Variants in LTBP1 observed in about 807,000 individuals in gnomAD.
The protein encoded by LTBP1 is latent-transforming growth factor beta-binding protein 1.
Under a neutral mutation model 207.6 loss-of-function variants are expected in LTBP1, and 129 were observed. The observed-to-expected ratio is 0.62, with a 90% CI of 0.54 to 0.72. LTBP1 has a LOEUF of 0.72. Ranked by LOEUF, LTBP1 falls within the 30% of genes least tolerant of loss-of-function variation. The pLI is 0.00. For missense variants in LTBP1, 2,281 were observed against 2,217.2 expected (o/e 1.03, Z -0.58); for synonymous variants, 963 against 833.7 (o/e 1.16, Z -2.67).
At chr2:33,079,672 G>A (rs1038386903) in intron 3 of LTBP1, among the ~76,000 whole-genome samples, 1 of 152,098 alleles carries the variant, frequency 6.6e-6, no homozygotes, top group Non-Finnish European at 1.5e-5. Context: ...TGGCACTGCA[G>A]ACTTCTCCCA....
intron 22 of LTBP1, among the ~76,000 whole-genome samples, chr2:33,303,381 C>T (rs184306093): frequency 1.6e-4 from 23 of 146,376 alleles, no homozygotes; most frequent in African/African-American, 5.0e-4. Context: ...GACGGAATCT[C>T]GCTCTGTCAC....
At chr2:32,997,126 C>G (rs12712334) in intron 2 of LTBP1, among the ~76,000 whole-genome samples, 4,640 of 152,192 alleles carry the variant, frequency 0.03, 95 homozygotes, top group South Asian at 0.055. Flanking sequence ...CTCAAGCGAT[C>G]CGCCCACCTC....
At chr2:33,054,931 C>T (rs896487148) in intron 3 of LTBP1, among the ~76,000 whole-genome samples, 35 of 152,250 alleles carry the variant, frequency 2.3e-4, no homozygotes, top group African/African-American at 6.5e-4. Flanking sequence ...TGGACATGGA[C>T]GAGGGGGCAG....
At chr2:33,382,194 A>G (rs539730458) in intron 31 of LTBP1, among the ~76,000 whole-genome samples, 10 of 142,926 alleles carry the variant, frequency 7.0e-5, no homozygotes, top group African/African-American at 2.6e-4. Context: ...TCCCGAGTTC[A>G]AGCAATTCTC....
chr2:33,170,321 G>A (rs958066908), intron 5 of LTBP1, among the ~76,000 whole-genome samples: 10 of 152,096 alleles, frequency 6.6e-5, no homozygotes, highest in East Asian at 1.9e-4. Flanking sequence ...CTTTTCCGAC[G>A]GGCTTAAAAA....
intron 4 of LTBP1, among the ~76,000 whole-genome samples, chr2:33,131,920 A>G (rs1458918489): frequency 6.6e-6 from 1 of 152,216 alleles, no homozygotes; most frequent in Non-Finnish European, 1.5e-5. Context: ...TAAAGTGACT[A>G]CTGTAGCTGG....
intron 8 of LTBP1, among the ~76,000 whole-genome samples, chr2:33,221,145 C>T (rs541494959): frequency 1.3e-5 from 2 of 152,286 alleles, no homozygotes; most frequent in East Asian, 1.9e-4. Flanking sequence ...TTCCTTACTG[C>T]AGGACATAGC....
intron 5 of LTBP1, among the ~76,000 whole-genome samples, chr2:33,158,155 A>G (rs914973106): frequency 1.4e-5 from 2 of 140,650 alleles, no homozygotes; most frequent in Non-Finnish European, 3.3e-5. Context: ...AAACAAAAAA[A>G]AAAAAAAAAA....
chr2:33,050,393 G>A (rs541586929), intron 3 of LTBP1, among the ~76,000 whole-genome samples: 24 of 152,022 alleles, frequency 1.6e-4, no homozygotes, highest in Non-Finnish European at 3.2e-4. Flanking sequence ...TTGAGTAGAT[G>A]TCAAAAGGTA....
At chr2:32,952,046 A>G (rs1572785446) in intron 2 of LTBP1, among the ~76,000 whole-genome samples, 1 of 152,246 alleles carries the variant, frequency 6.6e-6, no homozygotes, top group Non-Finnish European at 1.5e-5. Flanking sequence ...TTGAGTTTAT[A>G]TAGGTCATGT....
At chr2:32,951,823 C>G (rs1315497216) in intron 2 of LTBP1, among the ~76,000 whole-genome samples, 3 of 152,198 alleles carry the variant, frequency 2.0e-5, no homozygotes, top group Admixed American at 2.0e-4. Flanking sequence ...TGGTTTTCTT[C>G]TGTTTGTGGT....
intron 5 of LTBP1, among the ~76,000 whole-genome samples, chr2:33,178,112 G>A (rs570234442): frequency 6.6e-5 from 10 of 152,180 alleles, no homozygotes; most frequent in African/African-American, 2.2e-4. Context: ...TCTACATAGT[G>A]ATTTTGAAGT....
rs147372615 is a variant in LTBP1 at position 33,253,302 on chromosome 2, T to A, written c.2167+458T>A. Among the ~76,000 whole-genome samples, 602 of 152,322 alleles carry A rather than the reference T, an allele frequency of 4.0e-3. 2 individuals carry two copies. The highest frequency in any genetic ancestry group is 6.8e-3 in the South Asian group (33 of 4,828). Reference sequence around the variant, plus strand: ...GGAGGAAATTATATTCATGATTGAATTTACGCTATGAAGATTAATAACTTA... The same window carrying A: ...GGAGGAAATTATATTCATGATTGAAATTACGCTATGAAGATTAATAACTTA... On this transcript the variant is annotated intron_variant, in intron 11 of 33. Transcript: ENST00000404816.
rs1332151568 is a variant in LTBP1, at chr2:33,399,485, T to G, written c.*940T>G. 1 of 152,216 alleles carries G rather than the reference T, an allele frequency of 6.6e-6. No homozygotes were observed. Among genetic ancestry groups the G allele is most frequent in the Non-Finnish European group, 1.5e-5 (1 of 68,044 alleles). The allele number at this position is 152,216 out of a possible 1,614,324, so 9.4% of individuals were successfully genotyped here. On this transcript the variant is annotated 3_prime_UTR_variant, in exon 34 of 34. Coordinates refer to ENST00000404816, the MANE Select transcript of LTBP1 (RefSeq NM_206943.4). Reference sequence around the variant, plus strand: ...GTCTTTTACAAGTTAATCATTAAATTTGTTAGATCTTGTTATGGGCTAAAT... The same window carrying G: ...GTCTTTTACAAGTTAATCATTAAATGTGTTAGATCTTGTTATGGGCTAAAT...
intron 24 of LTBP1, among the ~76,000 whole-genome samples, chr2:33,336,903 A>G (rs1040798421): frequency 2.0e-5 from 3 of 152,194 alleles, no homozygotes; most frequent in African/African-American, 7.2e-5. Context: ...AATATACATC[A>G]TTTTCAGAAT....
intron 15 of LTBP1, among the ~76,000 whole-genome samples, chr2:33,267,618 A>G (rs1019717288): frequency 1.3e-5 from 2 of 152,226 alleles, no homozygotes; most frequent in African/African-American, 4.8e-5. Flanking sequence ...TTAAAAAGAA[A>G]AAAATGCAGT....
chr2:33,087,084 C>CTT (rs35334788), intron 3 of LTBP1, among the ~76,000 whole-genome samples: 1,327 of 88,670 alleles, frequency 0.015, 44 homozygotes, highest in African/African-American at 0.036. Context: ...CTCCTTTATG[C>CTT]TTTTTTTTTT....
intron 10 of LTBP1, among the ~76,000 whole-genome samples, chr2:33,245,577 G>A (rs940648478): frequency 1.3e-5 from 2 of 152,116 alleles, no homozygotes; most frequent in Admixed American, 6.6e-5. Flanking sequence ...CTTTCCTAAC[G>A]GGTGGTAAAA....
intron 2 of LTBP1, among the ~76,000 whole-genome samples, chr2:33,011,585 G>C (rs1236328470): frequency 6.6e-6 from 1 of 152,016 alleles, no homozygotes; most frequent in Non-Finnish European, 1.5e-5. Context: ...GGCCAACTCT[G>C]CTGATGCATT....
Sources: gnomAD v4.1 joint callset for allele counts (sites outside exome capture counted in the v4.1 genomes callset) on GRCh38, gnomAD v4.1.1 for gene constraint, MANE v1.5 for transcripts, NCBI Gene and HGNC (gene_info 2026-07-23, HGNC 2026-07-21) for gene names.